Variants in CYP4Z1 observed in about 807,000 individuals in gnomAD.
The protein encoded by CYP4Z1 is cytochrome P450 family 4 subfamily Z member 1, also known as cytochrome P450 4Z1.
A neutral mutation model predicts 54.2 loss-of-function variants in CYP4Z1; 41 were observed. The observed-to-expected ratio is 0.76, with a 90% CI of 0.59 to 0.98. The LOEUF is 0.98. Among genes scored for constraint, CYP4Z1 ranks in the 50% least tolerant of loss-of-function variants. The pLI is 0.00. For synonymous variants in CYP4Z1, 163 were observed against 206.2 expected (o/e 0.79, Z 1.79); for missense variants, 513 against 599.0 (o/e 0.86, Z 1.50).
At chr1:47,065,500 A>C (rs916829167), upstream of CYP4Z1, among the ~76,000 whole-genome samples, 1 of 152,188 alleles carries the variant, frequency 6.6e-6, no homozygotes, top group Non-Finnish European at 1.5e-5. Context: ...ATAGTGACAC[A>C]ACCTATCAAA....
At chr1:47,106,486 T>G (rs1023541772) in intron 9 of CYP4Z1, among the ~76,000 whole-genome samples, 7 of 151,904 alleles carry the variant, frequency 4.6e-5, no homozygotes, top group Admixed American at 1.3e-4. Context: ...GGACTGAGGG[T>G]TGGGTGAGGG....
At chr1:47,112,019 T>A (rs1273639327) in intron 9 of CYP4Z1, among the ~76,000 whole-genome samples, 1 of 152,146 alleles carries the variant, frequency 6.6e-6, no homozygotes. Flanking sequence ...ATAAAAGAAT[T>A]AAATTAAACA....
At chr1:47,059,422 A>G in the CYP4Z1 span, among the ~76,000 whole-genome samples, 3 of 152,224 alleles carry the variant, frequency 2.0e-5, no homozygotes, top group Admixed American at 2.0e-4. Flanking sequence ...CTTTCTTTGT[A>G]TCCTGAAGTC....
intron 2 of CYP4Z1, chr1:47,074,917 TA>T (rs1392274823): frequency 2.2e-6 from 1 of 452,736 alleles, no homozygotes; most frequent in Non-Finnish European, 4.3e-6. Context: ...GGGGGGCTGG[TA>T]ATTAATACCA....
At chr1:47,075,770 G>C (rs140669946) in intron 2 of CYP4Z1, 16,513 of 225,944 alleles carry the variant, frequency 0.073, 431 homozygotes, top group East Asian at 0.18. Context: ...ATGACCCTGG[G>C]TTCAACATCT....
intron 6 of CYP4Z1, among the ~76,000 whole-genome samples, chr1:47,088,140 A>G (rs1361195384): frequency 2.0e-5 from 3 of 152,166 alleles, no homozygotes; most frequent in Non-Finnish European, 4.4e-5. Flanking sequence ...CATCAGGGAT[A>G]TTGGTCTAAA....
chr1:47,099,963 C>T (rs1418277852), intron 8 of CYP4Z1, among the ~76,000 whole-genome samples: 1 of 151,886 alleles, frequency 6.6e-6, no homozygotes, highest in Non-Finnish European at 1.5e-5. Context: ...AAACCTCGTG[C>T]CTGCCTTCCC....
intron 6 of CYP4Z1, 104 bp downstream of exon 6, chr1:47,085,082 T>C (rs1392149544): frequency 1.7e-6 from 1 of 595,296 alleles, no homozygotes; most frequent in African/African-American, 1.9e-5. Context: ...TATGGCATGG[T>C]CATCATTCAG....
chr1:47,114,582 C>T (rs1053305617), intron 9 of CYP4Z1, among the ~76,000 whole-genome samples: 11 of 151,900 alleles, frequency 7.2e-5, no homozygotes, highest in Admixed American at 6.6e-5. Flanking sequence ...CTACAATGAA[C>T]TCAAACAAAT....
At chr1:47,098,749 C>G (rs1644698661) in intron 7 of CYP4Z1, among the ~76,000 whole-genome samples, 1 of 152,078 alleles carries the variant, frequency 6.6e-6, no homozygotes. Flanking sequence ...TTTTTGGCCA[C>G]TTGCGGTCTT....
intron 9 of CYP4Z1, among the ~76,000 whole-genome samples, chr1:47,114,401 T>C (rs1644814830): frequency 6.6e-6 from 1 of 152,106 alleles, no homozygotes; most frequent in African/African-American, 2.4e-5. Context: ...ACTTCATGTC[T>C]AAAACACCAA....
intron 9 of CYP4Z1, among the ~76,000 whole-genome samples, chr1:47,114,339 A>G (rs1308972567): frequency 6.6e-6 from 1 of 152,084 alleles, no homozygotes; most frequent in Non-Finnish European, 1.5e-5. Flanking sequence ...AACCATAAAA[A>G]CCCTAGAAGA....
intron 9 of CYP4Z1, 26 bp downstream of exon 9, chr1:47,106,287 T>C (rs755593036): frequency 1.9e-6 from 3 of 1,573,966 alleles, no homozygotes; most frequent in South Asian, 1.2e-5. Context: ...TTTTTTTTTT[T>C]AACAATGCAG....
chr1:47,062,303 C>A (rs1324711193), upstream of CYP4Z1, among the ~76,000 whole-genome samples: 1 of 152,232 alleles, frequency 6.6e-6, no homozygotes, highest in Non-Finnish European at 1.5e-5. Flanking sequence ...ACTCCAAGAA[C>A]CACTGCAGGA....
At chr1:47,072,749 G>T (rs1265746118) in intron 2 of CYP4Z1, among the ~76,000 whole-genome samples, 1 of 120,010 alleles carries the variant, frequency 8.3e-6, no homozygotes, top group Non-Finnish European at 1.7e-5. Context: ...ATTAACATCG[G>T]CCCCACTATC....
At chr1:47,090,882 G>C (rs1157330100) in intron 6 of CYP4Z1, among the ~76,000 whole-genome samples, 1 of 139,526 alleles carries the variant, frequency 7.2e-6, no homozygotes, top group Non-Finnish European at 1.5e-5. Context: ...AGAAAGAGCT[G>C]AGAGTTTTCA....
intron 6 of CYP4Z1, among the ~76,000 whole-genome samples, chr1:47,089,138 T>A (rs1644619578): frequency 6.6e-6 from 1 of 150,620 alleles, no homozygotes; most frequent in African/African-American, 2.4e-5. Context: ...ATTTTTTCTG[T>A]TTTAGATCAT....
chr1:47,109,377 T>C (rs1420624463), intron 9 of CYP4Z1, among the ~76,000 whole-genome samples: 2 of 152,132 alleles, frequency 1.3e-5, no homozygotes, highest in African/African-American at 2.4e-5. Context: ...TTTAATCCCA[T>C]AGAAAAGGTT....
At chr1:47,088,557 T>C (rs1413105962) in intron 6 of CYP4Z1, among the ~76,000 whole-genome samples, 1 of 151,822 alleles carries the variant, frequency 6.6e-6, no homozygotes, top group African/African-American at 2.4e-5. Flanking sequence ...TTATCATTTT[T>C]TTTTCGTCTA....
Sources: allele counts gnomAD v4.1 joint callset (sites outside exome capture counted in the v4.1 genomes callset), GRCh38; gene constraint gnomAD v4.1.1; transcripts MANE v1.5; gene names NCBI Gene and HGNC (gene_info 2026-07-23, HGNC 2026-07-21).